SETBP1: variants seen among roughly 807,000 people sequenced by gnomAD.
SETBP1 encodes SET-binding protein.
A neutral mutation model predicts 101.0 loss-of-function variants in SETBP1; 9 were observed. The ratio of observed to expected loss-of-function variants is 0.09; its 90% CI spans 0.05 to 0.16. The LOEUF is 0.16. SETBP1 is among the 10% of genes least tolerant of loss of function. The pLI is 1.00. For synonymous variants in SETBP1, 818 were observed against 788.5 expected (o/e 1.04, Z -0.63); for missense variants, 1,858 against 2,033.8 (o/e 0.91, Z 1.66).
At chr18:44,772,048 G>A (rs556632266) in intron 2 of SETBP1, among the ~76,000 whole-genome samples, 1 of 152,262 alleles carries the variant, frequency 6.6e-6, no homozygotes, top group South Asian at 2.1e-4. Context: ...ACTGGTGTTA[G>A]GTTGACATTT....
chr18:44,985,595 T>C (rs943701754), intron 4 of SETBP1, among the ~76,000 whole-genome samples: 3 of 152,242 alleles, frequency 2.0e-5, no homozygotes, highest in Admixed American at 6.5e-5. Context: ...TGATTCTTTT[T>C]CTTCTTTTAA....
chr18:44,695,943 G>A (rs2069009858), intron 1 of SETBP1, among the ~76,000 whole-genome samples: 1 of 151,850 alleles, frequency 6.6e-6, no homozygotes, highest in Admixed American at 6.6e-5. Flanking sequence ...ACTAGGCCAG[G>A]AATTCATTTC....
intron 3 of SETBP1, among the ~76,000 whole-genome samples, chr18:44,885,326 T>C (rs913955612): frequency 6.6e-6 from 1 of 152,228 alleles, no homozygotes; most frequent in Admixed American, 6.6e-5. Context: ...AAAAACAACA[T>C]TGAATATTAT....
At chr18:44,899,013 TG>T (rs1376102140) in intron 3 of SETBP1, among the ~76,000 whole-genome samples, 1 of 152,212 alleles carries the variant, frequency 6.6e-6, no homozygotes, top group Non-Finnish European at 1.5e-5. Context: ...AAAACAGCCC[TG>T]GGTCTCATAT....
intron 2 of SETBP1, among the ~76,000 whole-genome samples, chr18:44,821,654 G>C (rs943975368): frequency 6.6e-6 from 1 of 152,148 alleles, no homozygotes; most frequent in African/African-American, 2.4e-5. Flanking sequence ...CCCTGTTCCT[G>C]ACACACAGCT....
chr18:44,736,618 A>G (rs888703145), intron 2 of SETBP1, among the ~76,000 whole-genome samples: 1 of 152,144 alleles, frequency 6.6e-6, no homozygotes, highest in African/African-American at 2.4e-5. Context: ...TCCATTTTTC[A>G]TGCTCCTTTG....
intron 2 of SETBP1, among the ~76,000 whole-genome samples, chr18:44,826,211 C>T (rs1302375020): frequency 6.6e-6 from 1 of 152,116 alleles, no homozygotes; most frequent in Non-Finnish European, 1.5e-5. Flanking sequence ...CTGTGGTTGC[C>T]TTTCTCATTC....
intron 2 of SETBP1, among the ~76,000 whole-genome samples, chr18:44,843,879 C>T (rs2072671361): frequency 6.6e-6 from 1 of 152,172 alleles, no homozygotes. Flanking sequence ...ACTCCACAGG[C>T]ATCTTTATCA....
intron 3 of SETBP1, among the ~76,000 whole-genome samples, chr18:44,894,615 A>G (rs1401168301): frequency 2.0e-5 from 3 of 152,118 alleles, no homozygotes; most frequent in Non-Finnish European, 2.9e-5. Flanking sequence ...TCTGAATATG[A>G]TATGTTGTAG....
intron 1 of SETBP1, among the ~76,000 whole-genome samples, chr18:44,686,430 C>A (rs2068842391): frequency 6.6e-6 from 1 of 152,178 alleles, no homozygotes; most frequent in African/African-American, 2.4e-5. Context: ...CTAGTTGCAC[C>A]CAGCCTCCTC....
chr18:44,786,683 C>T (rs17784604), intron 2 of SETBP1, among the ~76,000 whole-genome samples: 2,282 of 152,224 alleles, frequency 0.015, 17 homozygotes, highest in Middle Eastern at 0.048. Context: ...GAAACTGCCC[C>T]GACAGAAAGA....
intron 2 of SETBP1, among the ~76,000 whole-genome samples, chr18:44,845,317 A>G (rs949750356): frequency 1.3e-5 from 2 of 151,148 alleles, no homozygotes; most frequent in African/African-American, 4.9e-5. Context: ...GCCCCCTTCC[A>G]CTCTCCTCAT....
At chr18:45,030,244 C>T (rs1370434627) in intron 4 of SETBP1, among the ~76,000 whole-genome samples, 15 of 121,986 alleles carry the variant, frequency 1.2e-4, no homozygotes, top group Middle Eastern at 7.3e-3. Context: ...TTGTCAAAGG[C>T]CTTTTCTGCA....
intron 3 of SETBP1, among the ~76,000 whole-genome samples, chr18:44,925,015 T>TTG (rs1568219260): frequency 7.1e-6 from 1 of 141,284 alleles, no homozygotes; most frequent in African/African-American, 2.5e-5. Flanking sequence ...GAGTTTTTTT[T>TTG]TTTTTTTTTT....
At chr18:44,756,724 AATG>A (rs1162975765) in intron 2 of SETBP1, among the ~76,000 whole-genome samples, 6 of 152,226 alleles carry the variant, frequency 3.9e-5, no homozygotes, top group African/African-American at 1.4e-4. Context: ...TAACCTCCTT[AATG>A]ATGTAGTATC....
rs185623476 is a variant in SETBP1, at chr18:44,717,509, C to G, written c.486+15677C>G. Reference sequence around the variant, plus strand: ...TTTGCAGACACAGGGCTCTGCTGGCCTCTGGCTCTGCAGGGTCTGCCCTCA... The same window carrying G: ...TTTGCAGACACAGGGCTCTGCTGGCGTCTGGCTCTGCAGGGTCTGCCCTCA... On this transcript the variant is annotated intron_variant, in intron 2 of 5. Transcript: ENST00000649279. 4.6e-5 allele frequency among the ~76,000 whole-genome samples: 7 copies of G among 152,340 alleles called. No individual in the cohort carries two copies. In the East Asian group the frequency reaches 9.6e-4, roughly 21 times the overall value.
chr18:44,848,444 A>T (rs184713958), intron 2 of SETBP1, among the ~76,000 whole-genome samples: 12 of 152,316 alleles, frequency 7.9e-5, no homozygotes, highest in African/African-American at 2.6e-4. Context: ...CTCATATGGA[A>T]ATACACATGG....
At position 44,952,901 on chromosome 18, in the gene SETBP1, C is replaced by G. The variant is rs138530624; in HGVS notation, c.3561C>G (p.Ser1187Arg). The G allele has an allele frequency of 5.0e-6, 8 of 1,614,044 alleles. No homozygotes were observed. In the African/African-American group the frequency reaches 9.3e-5, roughly 19 times the overall value. Residue 1187 changes from serine to arginine, a missense_variant, in exon 4 of 6, where the codon AGC becomes AGG. Coordinates refer to ENST00000649279, the MANE Select transcript of SETBP1 (RefSeq NM_015559.3). ...KATGFSSHILSERLSSADKEL... is the reference protein window; with the variant it reads ...KATGFSSHILRERLSSADKEL... ...CAGGCTTCTCCAGCCACATCCTGAG[C>G]GAGCGGCTGAGTAGCGCAGACAAAG...
chr18:44,739,495 T>A (rs1035554816), intron 2 of SETBP1, among the ~76,000 whole-genome samples: 2 of 152,214 alleles, frequency 1.3e-5, no homozygotes, highest in African/African-American at 4.8e-5. Flanking sequence ...TTTGTAGAAC[T>A]GTTGGAGTCA....
Sources: gnomAD v4.1 joint callset for allele counts (sites outside exome capture counted in the v4.1 genomes callset) on GRCh38, gnomAD v4.1.1 for gene constraint, MANE v1.5 for transcripts, NCBI Gene and HGNC (gene_info 2026-07-23, HGNC 2026-07-21) for gene names.